Variants in LRRIQ3 observed in about 807,000 individuals in gnomAD.
The protein encoded by LRRIQ3 is leucine rich repeats and IQ motif containing 3.
LRRIQ3 carries 75 observed loss-of-function variants against 59.3 expected under a neutral mutation model. The observed-to-expected ratio is 1.26, with a 90% confidence interval of 1.05 to 1.53. The LOEUF (loss-of-function observed/expected upper bound fraction) is 1.53, where lower values mean the gene tolerates loss of function less well. LRRIQ3 is among the 40% of genes most tolerant of loss of function. The pLI, the probability that LRRIQ3 is intolerant of heterozygous loss-of-function variation, is 0.00. For missense variants in LRRIQ3, 831 were observed against 710.0 expected, an observed-to-expected ratio of 1.17 and a Z score of -1.94; for synonymous variants, 250 against 231.3, an observed-to-expected ratio of 1.08 and a Z score of -0.73.
chr1:74,048,682 A>C (rs993493563), intron 6 of LRRIQ3, among the ~76,000 whole-genome samples: 1 of 44,298 alleles, frequency 2.3e-5, no homozygotes, highest in African/African-American at 3.9e-5. Flanking sequence ...TTTTTATGTA[A>C]ATTTTTTTTC....
At chr1:74,106,203 GAT>G (rs1313923103) in intron 5 of LRRIQ3, among the ~76,000 whole-genome samples, 1 of 152,016 alleles carries the variant, frequency 6.6e-6, no homozygotes, top group African/African-American at 2.4e-5. Context: ...TGTCAAAAAA[GAT>G]AGAAATTCAC....
At chr1:74,044,372 C>T (rs1654138074) in intron 6 of LRRIQ3, among the ~76,000 whole-genome samples, 1 of 151,942 alleles carries the variant, frequency 6.6e-6, no homozygotes, top group African/African-American at 2.4e-5. Context: ...TGAGAGAGTT[C>T]CTGTTATGGT....
chr1:74,147,081 A>G (rs1292731067), intron 4 of LRRIQ3, among the ~76,000 whole-genome samples: 1 of 151,966 alleles, frequency 6.6e-6, no homozygotes, highest in African/African-American at 2.4e-5. Context: ...TACAAAAATG[A>G]GCCAGGCATG....
chr1:74,175,945 C>T (rs1649610243), intron 3 of LRRIQ3, among the ~76,000 whole-genome samples: 1 of 152,052 alleles, frequency 6.6e-6, no homozygotes, highest in African/African-American at 2.4e-5. Flanking sequence ...AGTATACATT[C>T]TATATATATT....
chr1:74,066,143 G>A (rs1305446835), intron 6 of LRRIQ3, among the ~76,000 whole-genome samples: 1 of 149,052 alleles, frequency 6.7e-6, no homozygotes, highest in Non-Finnish European at 1.5e-5. Context: ...CCAAGATCAT[G>A]CCATTGCACT....
rs576474748 is a variant in LRRIQ3 at position 74,133,549 on chromosome 1, C to A, written c.707+22184G>T. On this transcript the variant is annotated intron_variant, in intron 4 of 7. Coordinates refer to ENST00000354431, the MANE Select transcript of LRRIQ3 (RefSeq NM_001105659.2). ...ATGCAGCCATAAAAAATGATGAGTT[C>A]ATGTCCTTTGTAGGCACCTGGATGA... 2.1e-3 allele frequency among the ~76,000 whole-genome samples: 313 copies of A among 152,224 alleles called. 1 individual carries two copies. Among genetic ancestry groups the A allele is most frequent in the African/African-American group, 7.2e-3 (298 of 41,542 alleles).
At chr1:74,121,270 A>G (rs910168065) in intron 4 of LRRIQ3, among the ~76,000 whole-genome samples, 1 of 152,128 alleles carries the variant, frequency 6.6e-6, no homozygotes, top group Non-Finnish European at 1.5e-5. Flanking sequence ...TATCATTCTT[A>G]TTTTGGCAGA....
intron 6 of LRRIQ3, among the ~76,000 whole-genome samples, chr1:74,045,829 C>A (rs1164488008): frequency 6.6e-6 from 1 of 151,282 alleles, no homozygotes; most frequent in Non-Finnish European, 1.5e-5. Context: ...AGACAAACAG[C>A]CAATTCATGA....
chr1:74,035,874 C>G (rs1426880088), intron 7 of LRRIQ3, among the ~76,000 whole-genome samples: 1 of 152,076 alleles, frequency 6.6e-6, no homozygotes, highest in Non-Finnish European at 1.5e-5. Flanking sequence ...TTTGCTTATC[C>G]TCTTCTCCTT....
intron 3 of LRRIQ3, among the ~76,000 whole-genome samples, chr1:74,177,457 T>C (rs1649712391): frequency 6.6e-6 from 1 of 152,120 alleles, no homozygotes; most frequent in South Asian, 2.1e-4. Context: ...ATCCTATTAG[T>C]TCTGTCCCTC....
At chr1:74,035,967 A>G (rs1653860280) in intron 7 of LRRIQ3, among the ~76,000 whole-genome samples, 4 of 152,024 alleles carry the variant, frequency 2.6e-5, no homozygotes, top group African/African-American at 7.2e-5. Flanking sequence ...TCCTACTACT[A>G]TTTTTTGTAA....
rs1486262671 is a variant in LRRIQ3 at position 74,169,939 on chromosome 1, TTTTTTATGTATTCA to T, written c.573+12585_573+12598del. The stretch of plus-strand genomic sequence containing the variant: ...TAGTAGTGTTATCTTTTCATATATC[TTTTTTATGTATTCA>T]TTTTTATGTATTCTTTGGAGAAATG... On this transcript the variant is annotated intron_variant, in intron 3 of 7. Transcript: ENST00000354431. 5.3e-5 allele frequency among the ~76,000 whole-genome samples: 8 copies of T among 152,302 alleles called. No homozygotes were observed. In the South Asian group the frequency reaches 1.2e-3, roughly 24 times the overall value.
At chr1:74,054,337 T>G (rs979093276) in intron 6 of LRRIQ3, among the ~76,000 whole-genome samples, 10 of 152,056 alleles carry the variant, frequency 6.6e-5, no homozygotes, top group African/African-American at 2.2e-4. Context: ...GGTAAACCTG[T>G]AAATAATAGT....
intron 1 of LRRIQ3, among the ~76,000 whole-genome samples, chr1:74,184,332 A>G (rs559772279): frequency 1.3e-5 from 2 of 152,108 alleles, no homozygotes; most frequent in Non-Finnish European, 2.9e-5. Context: ...TTTTAATATA[A>G]TTTTACACAG....
intron 4 of LRRIQ3, among the ~76,000 whole-genome samples, chr1:74,127,012 C>T (rs766467621): frequency 6.6e-6 from 1 of 151,774 alleles, no homozygotes; most frequent in Non-Finnish European, 1.5e-5. Flanking sequence ...ATAATATTTG[C>T]TTTATATATT....
chr1:74,192,787 A>G (rs923122510), intron 1 of LRRIQ3, among the ~76,000 whole-genome samples: 4 of 152,176 alleles, frequency 2.6e-5, no homozygotes, highest in Non-Finnish European at 1.5e-5. Flanking sequence ...CTATATTCAG[A>G]ATATAACGTA....
At chr1:74,047,958 C>T (rs1654254449) in intron 6 of LRRIQ3, among the ~76,000 whole-genome samples, 1 of 152,070 alleles carries the variant, frequency 6.6e-6, no homozygotes, top group Non-Finnish European at 1.5e-5. Flanking sequence ...CTCACTTTCC[C>T]TTCTCACTAT....
intron 3 of LRRIQ3, among the ~76,000 whole-genome samples, chr1:74,160,146 A>G (rs557341397): frequency 1.6e-4 from 24 of 152,186 alleles, no homozygotes; most frequent in African/African-American, 5.5e-4. Flanking sequence ...TTAGTATTAC[A>G]TATAACACCC....
intron 6 of LRRIQ3, among the ~76,000 whole-genome samples, chr1:74,063,150 AC>A (rs1367704440): frequency 1.6e-4 from 24 of 151,696 alleles, no homozygotes; most frequent in Admixed American, 5.3e-4. Flanking sequence ...AACAACAACA[AC>A]AAAACGAGGA....
Sources: gnomAD v4.1 joint callset for allele counts (sites outside exome capture counted in the v4.1 genomes callset) on GRCh38, gnomAD v4.1.1 for gene constraint, MANE v1.5 for transcripts, NCBI Gene and HGNC (gene_info 2026-07-23, HGNC 2026-07-21) for gene names.